The following NXPH1 variants were observed in gnomAD, a reference collection of about 807,000 sequenced individuals.
NXPH1 encodes neurexophilin 1, also known as neurexophilin-1.
Under a neutral mutation model 23.7 loss-of-function variants are expected in NXPH1, and 5 were observed. The observed-to-expected ratio is 0.21, with a 90% CI of 0.11 to 0.44. NXPH1 has a LOEUF of 0.44. NXPH1 is among the 20% of genes least tolerant of loss of function. The pLI, the probability that NXPH1 is intolerant of heterozygous loss-of-function variation, is 0.99. For missense variants in NXPH1, 324 were observed against 321.6 expected (o/e 1.01, Z -0.06); for synonymous variants, 144 against 122.2 (o/e 1.18, Z -1.18).
chr7:8,471,294 A>G (rs943221097), intron 2 of NXPH1, among the ~76,000 whole-genome samples: 1 of 152,174 alleles, frequency 6.6e-6, no homozygotes, highest in Non-Finnish European at 1.5e-5. Flanking sequence ...GGGAATTTAT[A>G]AGTGGAATGA....
chr7:8,662,555 G>A (rs534424626), intron 2 of NXPH1, among the ~76,000 whole-genome samples: 2 of 151,966 alleles, frequency 1.3e-5, no homozygotes, highest in East Asian at 3.9e-4. Context: ...CTTTTATGTA[G>A]GTATTTTTTT....
At chr7:8,482,074 A>C (rs527725963) in intron 2 of NXPH1, among the ~76,000 whole-genome samples, 20 of 152,308 alleles carry the variant, frequency 1.3e-4, no homozygotes, top group African/African-American at 4.3e-4. Flanking sequence ...GCAAGTCCGT[A>C]GGCTGGGATT....
At chr7:8,618,144 C>G (rs1225247228) in intron 2 of NXPH1, among the ~76,000 whole-genome samples, 2 of 152,138 alleles carry the variant, frequency 1.3e-5, no homozygotes, top group African/African-American at 4.8e-5. Context: ...CAACCTACAT[C>G]TTTTCTTTGA....
At chr7:8,734,321 T>G (rs889679175) in intron 2 of NXPH1, among the ~76,000 whole-genome samples, 1 of 152,210 alleles carries the variant, frequency 6.6e-6, no homozygotes, top group African/African-American at 2.4e-5. Context: ...GCCTCCAGCT[T>G]TGTTCTTTTT....
At chr7:8,593,005 G>A (rs1444253389) in intron 2 of NXPH1, among the ~76,000 whole-genome samples, 16 of 151,866 alleles carry the variant, frequency 1.1e-4, no homozygotes, top group Non-Finnish European at 2.2e-4. Flanking sequence ...TCACTGGGAA[G>A]TTGTTTATAG....
intron 2 of NXPH1, among the ~76,000 whole-genome samples, chr7:8,506,903 A>G (rs2128613338): frequency 6.6e-6 from 1 of 152,172 alleles, no homozygotes; most frequent in African/African-American, 2.4e-5. Flanking sequence ...CCTGCAGCTC[A>G]TGTGAAGGTT....
intron 2 of NXPH1, among the ~76,000 whole-genome samples, chr7:8,602,087 G>A (rs7790205): frequency 0.38 from 57,641 of 152,092 alleles, 11,974 homozygotes; most frequent in African/African-American, 0.56. Context: ...TTGCTTTTAA[G>A]AGTACAAACA....
At chr7:8,460,036 G>A (rs563347640) in intron 2 of NXPH1, among the ~76,000 whole-genome samples, 17 of 152,130 alleles carry the variant, frequency 1.1e-4, no homozygotes, top group Admixed American at 3.9e-4. Flanking sequence ...TTCCATGTTA[G>A]GTCTTCTGTT....
chr7:8,619,403 A>T (rs1819816113), intron 2 of NXPH1, among the ~76,000 whole-genome samples: 2 of 152,170 alleles, frequency 1.3e-5, no homozygotes. Context: ...CCAACTCTTT[A>T]CTAGAGTTTT....
In NXPH1 at chr7:8,516,355, T is replaced by C. The variant is rs146130003; in HGVS notation, c.54+80588T>C. Among the ~76,000 whole-genome samples the C allele has an allele frequency of 3.3e-3, 501 of 152,262 alleles. 2 individuals are homozygous for C. The highest frequency in any genetic ancestry group is 0.011 in the African/African-American group (467 of 41,572). On this transcript the variant is annotated intron_variant, in intron 2 of 2. Transcript: ENST00000405863. ...CTCGTACCTTAAGGCAATAGAATCA[T>C]CAATCAATAAGAAACCAGTTACTCA... is the stretch of plus-strand genomic sequence containing the variant.
At chr7:8,630,726 G>T (rs946769354) in intron 2 of NXPH1, among the ~76,000 whole-genome samples, 2 of 152,050 alleles carry the variant, frequency 1.3e-5, no homozygotes, top group African/African-American at 4.8e-5. Flanking sequence ...TGCATAATTT[G>T]ACTTCACTTT....
At chr7:8,714,847 C>T (rs1217279967) in intron 2 of NXPH1, among the ~76,000 whole-genome samples, 1 of 152,146 alleles carries the variant, frequency 6.6e-6, no homozygotes, top group Non-Finnish European at 1.5e-5. Context: ...CTCTTCCCTC[C>T]CCTCTCCTAA....
intron 2 of NXPH1, among the ~76,000 whole-genome samples, chr7:8,449,123 G>T (rs1414234942): frequency 6.6e-6 from 1 of 152,206 alleles, no homozygotes; most frequent in African/African-American, 2.4e-5. Context: ...GGGGCCTTTG[G>T]CCAGGGGGCT....
chr7:8,638,080 G>GA (rs1358524391), intron 2 of NXPH1, among the ~76,000 whole-genome samples: 1 of 152,144 alleles, frequency 6.6e-6, no homozygotes, highest in South Asian at 2.1e-4. Context: ...ACTTTGAACA[G>GA]AAAAAACTCC....
intron 2 of NXPH1, among the ~76,000 whole-genome samples, chr7:8,511,398 C>T (rs1189706114): frequency 6.6e-6 from 1 of 152,086 alleles, no homozygotes; most frequent in Non-Finnish European, 1.5e-5. Flanking sequence ...TGAATGTTGT[C>T]CCAGCCTTTG....
chr7:8,606,547 A>G (rs1190499067), intron 2 of NXPH1, among the ~76,000 whole-genome samples: 3 of 152,234 alleles, frequency 2.0e-5, no homozygotes, highest in African/African-American at 4.8e-5. Flanking sequence ...CAAGAAAACC[A>G]TCTGAAACAA....
rs150094410 is a variant in NXPH1 at position 8,577,627 on chromosome 7, G to C, written c.54+141860G>C. Among the ~76,000 whole-genome samples the C allele has an allele frequency of 2.3e-3, 347 of 152,294 alleles. 1 individual carries two copies. Among genetic ancestry groups the C allele is most frequent in the African/African-American group, 7.9e-3 (329 of 41,552 alleles). ...CACTGTACTAGTGACTCTGGACAGA[G>C]AAAATGACATCATCTGTGGAAGCCA... is the stretch of plus-strand genomic sequence containing the variant. On this transcript the variant is annotated intron_variant, in intron 2 of 2. Coordinates refer to ENST00000405863, the MANE Select transcript of NXPH1 (RefSeq NM_152745.3).
chr7:8,472,579 T>C (rs951436590), intron 2 of NXPH1, among the ~76,000 whole-genome samples: 5 of 152,218 alleles, frequency 3.3e-5, no homozygotes, highest in African/African-American at 1.2e-4. Flanking sequence ...GATGCCACAC[T>C]TCCTTGGTGG....
chr7:8,459,934 A>G (rs1584169141), intron 2 of NXPH1, among the ~76,000 whole-genome samples: 1 of 152,230 alleles, frequency 6.6e-6, no homozygotes, highest in East Asian at 1.9e-4. Flanking sequence ...ATGGGTGCTT[A>G]GCCAAACTGA....
Sources: allele counts gnomAD v4.1 joint callset (sites outside exome capture counted in the v4.1 genomes callset), GRCh38; gene constraint gnomAD v4.1.1; transcripts MANE v1.5; gene names NCBI Gene and HGNC (gene_info 2026-07-23, HGNC 2026-07-21).